Variants in ARHGAP42 observed in about 807,000 individuals in gnomAD.
ARHGAP42 encodes rho GTPase-activating protein 42.
ARHGAP42 carries 63 observed loss-of-function variants against 125.0 expected under a neutral mutation model. The ratio of observed to expected loss-of-function variants is 0.50; its 90% CI spans 0.41 to 0.62. The LOEUF (loss-of-function observed/expected upper bound fraction) is 0.62. ARHGAP42 is among the 20% of genes least tolerant of loss of function. The pLI is 0.00. For missense variants in ARHGAP42, 766 were observed against 1,024.2 expected (o/e 0.75, Z 3.44); for synonymous variants, 339 against 351.0 (o/e 0.97, Z 0.38).
At chr11:100,821,515 T>A (rs1036203890) in intron 3 of ARHGAP42, among the ~76,000 whole-genome samples, 2 of 151,532 alleles carry the variant, frequency 1.3e-5, no homozygotes, top group Admixed American at 6.6e-5. Flanking sequence ...CATTGTTCTA[T>A]CAGTAGGAGT....
At chr11:100,883,917 G>A (rs755851753) in intron 4 of ARHGAP42, among the ~76,000 whole-genome samples, 3 of 152,142 alleles carry the variant, frequency 2.0e-5, no homozygotes, top group Admixed American at 6.5e-5. Flanking sequence ...TGGTATCCAG[G>A]ACAGTTTATC....
chr11:100,826,489 T>C (rs1342293538), intron 3 of ARHGAP42, among the ~76,000 whole-genome samples: 1 of 152,238 alleles, frequency 6.6e-6, no homozygotes, highest in Non-Finnish European at 1.5e-5. Flanking sequence ...ACTATACAGA[T>C]GTAACTTTGG....
chr11:100,893,158 G>GGGGT (rs1555018918), intron 4 of ARHGAP42, among the ~76,000 whole-genome samples: 1 of 146,988 alleles, frequency 6.8e-6, no homozygotes, highest in African/African-American at 2.5e-5. Context: ...AACATTTAGG[G>GGGGT]GTGTGTGTGT....
intron 1 of ARHGAP42, among the ~76,000 whole-genome samples, chr11:100,723,219 C>T (rs991821099): frequency 2.0e-5 from 3 of 152,196 alleles, no homozygotes; most frequent in African/African-American, 2.4e-5. Context: ...AGGTGATGCC[C>T]GTCCTCTGAC....
intron 5 of ARHGAP42, among the ~76,000 whole-genome samples, chr11:100,917,803 C>T (rs1209212143): frequency 6.6e-6 from 1 of 152,148 alleles, no homozygotes; most frequent in Non-Finnish European, 1.5e-5. Flanking sequence ...AACTCCTGAC[C>T]TCAAGTGATC....
intron 22 of ARHGAP42, chr11:100,986,405 G>A: frequency 3.8e-6 from 1 of 261,234 alleles, no homozygotes; most frequent in Non-Finnish European, 7.4e-6. Flanking sequence ...ATTGTGACTG[G>A]AGTAGAGTAG....
intron 6 of ARHGAP42, among the ~76,000 whole-genome samples, chr11:100,924,972 CA>C (rs1565278660): frequency 6.6e-6 from 1 of 151,960 alleles, no homozygotes; most frequent in Non-Finnish European, 1.5e-5. Flanking sequence ...GCTGAAATTA[CA>C]GGTGTGCACC....
chr11:100,914,927 C>T (rs1565273790), intron 5 of ARHGAP42, among the ~76,000 whole-genome samples: 1 of 151,736 alleles, frequency 6.6e-6, no homozygotes, highest in Non-Finnish European at 1.5e-5. Context: ...CATCTGATGC[C>T]TTTTTTTTCC....
At position 100,780,627 on chromosome 11, in the gene ARHGAP42, C is replaced by G. The variant is rs190035813; in HGVS notation, c.250+10189C>G. On this transcript the variant is annotated intron_variant, in intron 2 of 23. Transcript: ENST00000298815. Reference sequence around the variant, plus strand: ...AGAGCGACATTGTTAAAGCCGAAGGCCGATGGGGATTAGAGTCAGAAACCG... The same window carrying G: ...AGAGCGACATTGTTAAAGCCGAAGGGCGATGGGGATTAGAGTCAGAAACCG... Among the ~76,000 whole-genome samples, 211 of 152,284 alleles carry G rather than the reference C, an allele frequency of 1.4e-3. 3 individuals are homozygous for G. Among genetic ancestry groups the G allele is most frequent in the African/African-American group, 3.6e-3 (149 of 41,550 alleles).
At chr11:100,980,272 T>A (rs1259322719) in intron 22 of ARHGAP42, among the ~76,000 whole-genome samples, 1 of 152,096 alleles carries the variant, frequency 6.6e-6, no homozygotes, top group African/African-American at 2.4e-5. Flanking sequence ...ACAGCAAACA[T>A]CATTTCTCTG....
chr11:100,965,294 G>A (rs1320568381), intron 16 of ARHGAP42, among the ~76,000 whole-genome samples: 1 of 152,142 alleles, frequency 6.6e-6, no homozygotes. Flanking sequence ...GTACTCTAAT[G>A]ACTGGCACAT....
intron 6 of ARHGAP42, among the ~76,000 whole-genome samples, chr11:100,926,411 G>A (rs650269): frequency 0.89 from 134,975 of 152,244 alleles, 59,923 homozygotes; most frequent in East Asian, 1. Context: ...TAACTACAGA[G>A]ATTAATCCTT....
Position 100,960,149 on chromosome 11 carries a change from T to C in ARHGAP42, c.1225+204T>C, listed in dbSNP as rs183872396. On this transcript the variant is annotated intron_variant, in intron 13 of 23. Transcript: ENST00000298815. ...AAAATCATGCTTTAGGCATACTTCT[T>C]TTTTAGATTTTTTTCTAATACAGCC... is the stretch of plus-strand genomic sequence containing the variant. Among the ~76,000 whole-genome samples, 83 of 152,224 alleles carry C rather than the reference T, an allele frequency of 5.5e-4. 1 individual carries two copies. The highest frequency in any genetic ancestry group is 2.7e-3 in the East Asian group (14 of 5,184).
Position 100,687,733 on chromosome 11 carries a change from A to C in ARHGAP42, c.55A>C (p.Arg19=), listed in dbSNP as rs933751139. 5.2e-6 allele frequency: 8 copies of C among 1,549,970 alleles called. No individual in the cohort carries two copies. Among genetic ancestry groups the C allele is most frequent in the Non-Finnish European group, 7.0e-6 (8 of 1,146,536 alleles). The change falls in exon 1 of 24, where the codon AGG becomes CGG. Residue 19 remains arginine (R), a synonymous_variant. Transcript: ENST00000298815. ...TTCCTACTTGGACAGCCCAGATTTC[A>C]GGGAGCGCTTGCAGTGTCACGAGAT... ...SDSYLDSPDF[R]ERLQCHEIEL... is the part of the protein sequence containing the mutation.
intron 3 of ARHGAP42, among the ~76,000 whole-genome samples, chr11:100,800,537 C>T (rs753653246): frequency 7.2e-5 from 11 of 152,036 alleles, no homozygotes; most frequent in Admixed American, 2.0e-4. Context: ...TCAAGGACAG[C>T]GACCAAGGAG....
chr11:100,819,520 A>G (rs1004327836), intron 3 of ARHGAP42, among the ~76,000 whole-genome samples: 28 of 152,228 alleles, frequency 1.8e-4, no homozygotes, highest in Middle Eastern at 3.4e-3. Context: ...TTAGCTTGCA[A>G]TGTTTTAGGA....
rs879771628 is a variant in ARHGAP42 at position 100,715,449 on chromosome 11, C to T, written c.154+27617C>T. On this transcript the variant is annotated intron_variant, in intron 1 of 23. Coordinates refer to ENST00000298815, the MANE Select transcript of ARHGAP42 (RefSeq NM_152432.4). ...CATGCACAGAAAAGACTTCATTTCT[C>T]CCAGGCAGCTTTCCTGACACTTGGG... Among the ~76,000 whole-genome samples, 29 of 152,116 alleles carry T rather than the reference C, an allele frequency of 1.9e-4. 2 individuals carry two copies. Among genetic ancestry groups the T allele is most frequent in the African/African-American group, 6.8e-4 (28 of 41,408 alleles).
At chr11:100,984,958 G>T (rs955026631) in intron 22 of ARHGAP42, among the ~76,000 whole-genome samples, 1 of 152,074 alleles carries the variant, frequency 6.6e-6, no homozygotes, top group African/African-American at 2.4e-5. Flanking sequence ...TACAGATCTC[G>T]GCAGAAGAAA....
Position 100,991,196 on chromosome 11 carries a change from C to T in ARHGAP42, c.*2395C>T, listed in dbSNP as rs963985834. ...CCTTCATAATGGATTACAATGTAAGCAAGTCATGGCCATATACTGGAGACG... is the reference window on the plus strand; with the variant it reads ...CCTTCATAATGGATTACAATGTAAGTAAGTCATGGCCATATACTGGAGACG... On this transcript the variant is annotated 3_prime_UTR_variant, in exon 24 of 24. Coordinates refer to ENST00000298815, the MANE Select transcript of ARHGAP42 (RefSeq NM_152432.4). 22 of 151,606 alleles carry T rather than the reference C, an allele frequency of 1.5e-4. No individual in the cohort carries two copies. The highest frequency in any genetic ancestry group is 2.4e-4 in the Non-Finnish European group (16 of 67,792). The allele number at this position is 151,606 out of a possible 1,614,324, so 9.4% of individuals were successfully genotyped here.
Sources: allele counts gnomAD v4.1 joint callset (sites outside exome capture counted in the v4.1 genomes callset), GRCh38; gene constraint gnomAD v4.1.1; transcripts MANE v1.5; gene names NCBI Gene and HGNC (gene_info 2026-07-23, HGNC 2026-07-21).